PCDHA2: variants seen among roughly 807,000 people sequenced by gnomAD.
The protein encoded by PCDHA2 is protocadherin alpha-2.
Under a neutral mutation model 66.0 loss-of-function variants are expected in PCDHA2, and 58 were observed. The ratio of observed to expected loss-of-function variants is 0.88; its 90% CI spans 0.71 to 1.09. The LOEUF (loss-of-function observed/expected upper bound fraction) is 1.09, where lower values mean the gene tolerates loss of function less well. PCDHA2 is among the 50% of genes least tolerant of loss of function. PCDHA2 has a pLI of 0.00. For synonymous variants in PCDHA2, 634 were observed against 554.0 expected (o/e 1.14, Z -2.03); for missense variants, 1,267 against 1,242.3 (o/e 1.02, Z -0.30).
intron 1 of PCDHA2, among the ~76,000 whole-genome samples, chr5:140,976,735 T>G (rs1412647375): frequency 1.3e-5 from 2 of 152,160 alleles, no homozygotes; most frequent in Non-Finnish European, 2.9e-5. Flanking sequence ...TTAAACACAT[T>G]TTAAAAACCT....
intron 1 of PCDHA2, among the ~76,000 whole-genome samples, chr5:140,914,094 T>A (rs563496078): frequency 6.9e-4 from 105 of 152,324 alleles, no homozygotes; most frequent in African/African-American, 2.5e-3. Context: ...GTCAATTTGT[T>A]CTATAGTGCA....
chr5:140,853,120 C>T lies in PCDHA2; in HGVS notation c.2388+55768C>T, dbSNP rs1036865431. The T allele has an allele frequency of 1.7e-4, 85 of 494,062 alleles. 4 individuals carry two copies. Among genetic ancestry groups the T allele is most frequent in the Middle Eastern group, 1.0e-3 (1 of 976 alleles). 30.6% of individuals were successfully genotyped at this position (494,062 alleles called of 1,614,324 possible). On this transcript the variant is annotated intron_variant, in intron 1 of 3. Coordinates refer to ENST00000526136, the MANE Select transcript of PCDHA2 (RefSeq NM_018905.3). Reference sequence around the variant, plus strand: ...GGTCTCGATCTCCTGACCTCATGATCCTCCCGCCTCAGCCTCCCAAAATGC... The same window carrying T: ...GGTCTCGATCTCCTGACCTCATGATTCTCCCGCCTCAGCCTCCCAAAATGC...
chr5:140,955,975 A>G (rs2095244010), intron 1 of PCDHA2, among the ~76,000 whole-genome samples: 1 of 152,112 alleles, frequency 6.6e-6, no homozygotes, highest in Admixed American at 6.6e-5. Flanking sequence ...TAGGAATGCT[A>G]GCAATTTTTG....
intron 1 of PCDHA2, among the ~76,000 whole-genome samples, chr5:140,950,547 TGGG>T (rs1385873509): frequency 6.6e-6 from 1 of 152,064 alleles, no homozygotes; most frequent in Non-Finnish European, 1.5e-5. Flanking sequence ...CTTGCATGGC[TGGG>T]GGGACACTTA....
At chr5:140,848,246 A>G (rs1781398365) in intron 1 of PCDHA2, 1 of 453,054 alleles carries the variant, frequency 2.2e-6, no homozygotes, top group African/African-American at 2.0e-5. Context: ...GTTTTGCAGA[A>G]TAACTGTGAA....
chr5:140,876,138 A>G (rs781923596), intron 1 of PCDHA2: 1 of 1,613,952 alleles, frequency 6.2e-7, no homozygotes. Context: ...AACCAGAACT[A>G]ACAGGGTCTG....
chr5:140,945,948 C>T (rs782232521), intron 1 of PCDHA2, among the ~76,000 whole-genome samples: 6 of 151,900 alleles, frequency 3.9e-5, no homozygotes, highest in Non-Finnish European at 5.9e-5. Context: ...TTTTATATGA[C>T]CCTGAAAGCA....
At chr5:140,807,203 G>C (rs1562206612) in intron 1 of PCDHA2, 1 of 1,613,738 alleles carries the variant, frequency 6.2e-7, no homozygotes, top group Non-Finnish European at 8.5e-7. Flanking sequence ...GTTTTCCTGG[G>C]GAAGCGGCCA....
chr5:140,851,916 G>A, intron 1 of PCDHA2: 1 of 968,262 alleles, frequency 1.0e-6, no homozygotes, highest in Non-Finnish European at 1.2e-6. Flanking sequence ...GTCACTACAT[G>A]TTATGTTTCC....
chr5:140,985,498 C>G (rs540282855), intron 3 of PCDHA2, among the ~76,000 whole-genome samples: 2 of 152,274 alleles, frequency 1.3e-5, no homozygotes, highest in African/African-American at 4.8e-5. Flanking sequence ...ATAGAGCCTG[C>G]CTTTCATTGA....
chr5:140,906,999 G>T lies in PCDHA2; in HGVS notation c.2389-71950G>T, dbSNP rs187849442. Among the ~76,000 whole-genome samples the T allele has an allele frequency of 8.0e-3, 1,219 of 152,202 alleles. 6 individuals are homozygous for T. The highest frequency in any genetic ancestry group is 0.019 in the African/African-American group (787 of 41,528). On this transcript the variant is annotated intron_variant, in intron 1 of 3. Coordinates refer to ENST00000526136, the MANE Select transcript of PCDHA2 (RefSeq NM_018905.3). Reference sequence around the variant, plus strand: ...TTCTGGTGGCAGCATTCCTCCCTCTGGAACTAAGACCTCTAGGCCAGCAGA... The same window carrying T: ...TTCTGGTGGCAGCATTCCTCCCTCTTGAACTAAGACCTCTAGGCCAGCAGA...
intron 1 of PCDHA2, among the ~76,000 whole-genome samples, chr5:140,977,783 T>TATATGA (rs1488853966): frequency 1.3e-5 from 2 of 152,252 alleles, no homozygotes; most frequent in African/African-American, 4.8e-5. Context: ...TTAAAGGAAC[T>TATATGA]ATATGAATGA....
rs200439538 is a variant in PCDHA2, at chr5:140,842,555, G to T, written c.2388+45203G>T. On this transcript the variant is annotated intron_variant, in intron 1 of 3. Transcript: ENST00000526136. ...TTACTACTCGTTGGTGCTGGACAGC[G>T]CCCTGGACCGCGAGAGAGTGTCGGC... The T allele has an allele frequency of 1.4e-6, 2 of 1,465,832 alleles. No homozygotes were observed. Among genetic ancestry groups the T allele is most frequent in the Non-Finnish European group, 1.9e-6 (2 of 1,075,884 alleles). The allele number at this position is 1,465,832 out of a possible 1,614,324, so 90.8% of individuals were successfully genotyped here. A position where few individuals can be genotyped will look rare whatever the true frequency, so the allele number is the denominator to read the frequency against.
chr5:140,807,982 C>T, intron 1 of PCDHA2: 9 of 1,613,432 alleles, frequency 5.6e-6, no homozygotes, highest in Non-Finnish European at 7.6e-6. Context: ...TTAAACTTAA[C>T]GCCTCAGATT....
intron 1 of PCDHA2, among the ~76,000 whole-genome samples, chr5:140,944,227 G>A (rs1472509213): frequency 6.6e-6 from 1 of 152,046 alleles, no homozygotes; most frequent in Non-Finnish European, 1.5e-5. Flanking sequence ...TTACTCTGTC[G>A]CTCAGGCTGG....
Position 140,988,605 on chromosome 5 carries a change from A to G in PCDHA2, c.2536+6042A>G, listed in dbSNP as rs558232011. Among the ~76,000 whole-genome samples, 7 of 152,332 alleles carry G rather than the reference A, an allele frequency of 4.6e-5. No homozygotes were observed. In the East Asian group the frequency reaches 1.2e-3, roughly 25 times the overall value. On this transcript the variant is annotated intron_variant, in intron 3 of 3. Coordinates refer to ENST00000526136, the MANE Select transcript of PCDHA2 (RefSeq NM_018905.3). ...TTCCACTTTTAATGGTCATGTAAAT[A>G]AAAGACTAGAATGGAGATGTCCTGG...
chr5:140,807,289 G>A, intron 1 of PCDHA2: 1 of 1,614,180 alleles, frequency 6.2e-7, no homozygotes, highest in African/African-American at 1.3e-5. Flanking sequence ...TCCACTACTC[G>A]GTCTCCGAGG....
Position 140,883,404 on chromosome 5 carries a change from C to G in PCDHA2, c.2388+86052C>G, listed in dbSNP as rs199942713. On this transcript the variant is annotated intron_variant, in intron 1 of 3. Transcript: ENST00000526136. ...CTAATCAGTGTGTCCGATCGTGACT[C>G]TGGCTCAAATGGACAGGTCACCTGC... 3 of 1,614,104 alleles carry G rather than the reference C, an allele frequency of 1.9e-6. No homozygotes were observed. The African/African-American group carries it at 4.0e-5, about 22-fold the overall frequency.
intron 1 of PCDHA2, chr5:140,870,717 T>C (rs782672690): frequency 4.3e-6 from 7 of 1,613,062 alleles, no homozygotes; most frequent in South Asian, 2.2e-5. Context: ...GCGCGCGCGA[T>C]GCGGGCGTGC....
Sources: allele counts gnomAD v4.1 joint callset (sites outside exome capture counted in the v4.1 genomes callset), GRCh38; gene constraint gnomAD v4.1.1; transcripts MANE v1.5; gene names NCBI Gene and HGNC (gene_info 2026-07-23, HGNC 2026-07-21).